LARS2: variants seen among roughly 807,000 people sequenced by gnomAD.
LARS2 encodes the protein leucyl-tRNA synthetase 2, mitochondrial, also known as leucine--tRNA ligase, mitochondrial.
LARS2 carries 81 observed loss-of-function variants against 116.6 expected under a neutral mutation model. That is an observed-to-expected ratio of 0.69 (90% CI 0.58 to 0.84). The LOEUF (loss-of-function observed/expected upper bound fraction) is 0.84, where lower values mean the gene tolerates loss of function less well. Among genes scored for constraint, LARS2 ranks in the 40% least tolerant of loss-of-function variants. The pLI is 0.00. For missense variants in LARS2, 968 were observed against 1,114.5 expected (o/e 0.87, Z 1.87); for synonymous variants, 396 against 407.2 (o/e 0.97, Z 0.33).
At chr3:45,449,273 C>T (rs1699075367) in intron 7 of LARS2, among the ~76,000 whole-genome samples, 1 of 151,214 alleles carries the variant, frequency 6.6e-6, no homozygotes, top group Admixed American at 6.6e-5. Flanking sequence ...AGCAATTCTC[C>T]TACCTCAGCC....
intron 8 of LARS2, among the ~76,000 whole-genome samples, chr3:45,465,495 A>G (rs1448785243): frequency 1.3e-5 from 2 of 152,176 alleles, no homozygotes; most frequent in Non-Finnish European, 2.9e-5. Context: ...AAAGTAGACA[A>G]CTTGAGGCTG....
At chr3:45,392,481 G>C (rs937248528) in intron 2 of LARS2, among the ~76,000 whole-genome samples, 7 of 152,024 alleles carry the variant, frequency 4.6e-5, no homozygotes, top group African/African-American at 1.4e-4. Flanking sequence ...TTTTAGTAGA[G>C]AAGGGGTTTT....
chr3:45,502,350 T>C (rs867528697), intron 15 of LARS2, among the ~76,000 whole-genome samples: 9 of 152,216 alleles, frequency 5.9e-5, no homozygotes, highest in Middle Eastern at 3.4e-3. Context: ...TGTCTTGTTT[T>C]TATGGCATCT....
At chr3:45,396,998 G>C (rs1007168814) in intron 3 of LARS2, among the ~76,000 whole-genome samples, 7 of 152,186 alleles carry the variant, frequency 4.6e-5, no homozygotes, top group African/African-American at 1.7e-4. Context: ...CTATTGAGGT[G>C]CTCCTTTTAC....
intron 20 of LARS2, among the ~76,000 whole-genome samples, chr3:45,541,008 C>G (rs374291016): frequency 3.9e-5 from 6 of 152,138 alleles, no homozygotes; most frequent in African/African-American, 1.4e-4. Context: ...TCTTAAACTC[C>G]TGGCCTCAAG....
chr3:45,468,200 G>A (rs952922406), intron 8 of LARS2, among the ~76,000 whole-genome samples: 20 of 152,176 alleles, frequency 1.3e-4, no homozygotes, highest in Admixed American at 1.2e-3. Flanking sequence ...AGACCTGAGT[G>A]TCTTAGAAAG....
intron 1 of LARS2, among the ~76,000 whole-genome samples, chr3:45,390,911 A>G (rs1459819205): frequency 6.6e-6 from 1 of 152,002 alleles, no homozygotes; most frequent in Non-Finnish European, 1.5e-5. Flanking sequence ...AAATGCTGGG[A>G]TTACAGGCGT....
intron 9 of LARS2, among the ~76,000 whole-genome samples, 168 bp downstream of exon 9, chr3:45,474,518 A>G (rs1461635852): frequency 4.6e-5 from 7 of 152,232 alleles, no homozygotes; most frequent in Non-Finnish European, 1.0e-4. Flanking sequence ...GAACAGGTGA[A>G]ATGAATTTCA....
chr3:45,541,213 C>T (rs79993373), intron 20 of LARS2, among the ~76,000 whole-genome samples: 2 of 152,250 alleles, frequency 1.3e-5, no homozygotes, highest in East Asian at 1.9e-4. Flanking sequence ...CTCTGGGAAA[C>T]GGGGCTTGAG....
chr3:45,411,100 C>A (rs978370478), intron 4 of LARS2, among the ~76,000 whole-genome samples: 10 of 152,188 alleles, frequency 6.6e-5, no homozygotes, highest in Non-Finnish European at 1.3e-4. Context: ...AACTCACAGA[C>A]CCTGACCCAG....
intron 20 of LARS2, among the ~76,000 whole-genome samples, chr3:45,526,256 T>C (rs374371273): frequency 1.3e-5 from 2 of 152,256 alleles, no homozygotes; most frequent in Admixed American, 6.5e-5. Flanking sequence ...ATCCTTTTTG[T>C]TCTAAGGAAC....
At chr3:45,460,818 G>C (rs988112730) in intron 8 of LARS2, among the ~76,000 whole-genome samples, 20 of 152,266 alleles carry the variant, frequency 1.3e-4, no homozygotes, top group African/African-American at 4.3e-4. Context: ...ATGTATTAGA[G>C]TAGGGATGAC....
At chr3:45,446,396 G>T (rs1699019188) in intron 6 of LARS2, among the ~76,000 whole-genome samples, 1 of 152,088 alleles carries the variant, frequency 6.6e-6, no homozygotes, top group African/African-American at 2.4e-5. Context: ...GGAATAAATG[G>T]AATATACGAG....
intron 6 of LARS2, among the ~76,000 whole-genome samples, chr3:45,436,617 AC>A (rs1272069839): frequency 6.6e-6 from 1 of 151,186 alleles, no homozygotes; most frequent in African/African-American, 2.4e-5. Flanking sequence ...ACAAGGTGAA[AC>A]CCCGTCTCTA....
rs71095034 is a variant in LARS2, at chr3:45,415,893, G to GGAGAGA, written c.364-1563_364-1558dup. 1.1e-3 allele frequency among the ~76,000 whole-genome samples: 79 copies of GGAGAGA among 69,852 alleles called. 2 individuals carry two copies. The highest frequency in any genetic ancestry group is 2.3e-3 in the African/African-American group (24 of 10,524). 45.8% of individuals were successfully genotyped at this position (69,852 alleles called of 152,430 possible). A position where few individuals can be genotyped will look rare whatever the true frequency, so the allele number is the denominator to read the frequency against. ...TATATATATAGAGAGAGAGAGAGAG[G>GGAGAGA]GAGAGAGAGAGAGAGAGAGAGAGAG... On this transcript the variant is annotated intron_variant, in intron 4 of 21. Transcript: ENST00000645846.
Position 45,458,828 on chromosome 3 carries a change from C to A in LARS2, c.692C>A (p.Ala231Glu), listed in dbSNP as rs757789406. 6.2e-7 allele frequency: 1 copy of A among 1,614,096 alleles called. No individual in the cohort carries two copies. The highest frequency in any genetic ancestry group is 8.5e-7 in the Non-Finnish European group (1 of 1,179,962). The change falls in exon 8 of 22, where the codon GCA (alanine) becomes GAA (glutamate). Residue 231 changes from alanine (A) to glutamate (E), a missense_variant. By Grantham distance (107) the Ala-to-Glu change is moderately radical (BLOSUM62 -1). Transcript: ENST00000645846. The part of the protein sequence containing the change: ...DEHGCSWRSG[A>E]KVEQKYLRQW... ...CATGGCTGTTCATGGCGTTCTGGAG[C>A]AAAGGTGGAACAGAAGTACCTCAGA...
chr3:45,394,712 AG>A, intron 3 of LARS2, 25 bp downstream of exon 3: 1 of 1,539,440 alleles, frequency 6.5e-7, no homozygotes, highest in Non-Finnish European at 9.0e-7. Context: ...AGATTCTAAG[AG>A]GGTAGAGAAG....
At chr3:45,534,724 C>CA (rs1294546206) in intron 20 of LARS2, among the ~76,000 whole-genome samples, 6 of 152,178 alleles carry the variant, frequency 3.9e-5, no homozygotes, top group African/African-American at 1.4e-4. Context: ...GGATAAAAAG[C>CA]AAACATTTTA....
intron 21 of LARS2, among the ~76,000 whole-genome samples, chr3:45,545,802 G>T (rs1367727442): frequency 6.6e-6 from 1 of 151,526 alleles, no homozygotes; most frequent in Non-Finnish European, 1.5e-5. Flanking sequence ...TTAGAAATGG[G>T]TCATTGTTGT....
Sources: gnomAD v4.1 joint callset for allele counts (sites outside exome capture counted in the v4.1 genomes callset) on GRCh38, gnomAD v4.1.1 for gene constraint, MANE v1.5 for transcripts, NCBI Gene and HGNC (gene_info 2026-07-23, HGNC 2026-07-21) for gene names.